TNS3: variants seen among roughly 807,000 people sequenced by gnomAD.
The protein encoded by TNS3 is tensin 3.
TNS3 carries 45 observed loss-of-function variants against 140.9 expected under a neutral mutation model. The observed-to-expected ratio is 0.32, with a 90% CI of 0.25 to 0.41. The LOEUF is 0.41. Ranked by LOEUF, TNS3 falls within the 10% of genes least tolerant of loss-of-function variation. The probability of loss-of-function intolerance (pLI) is 1.00; values close to 1 mark genes in which losing one functional copy is unlikely to be tolerated. For missense variants in TNS3, 1,716 were observed against 1,906.7 expected (o/e 0.90, Z 1.86); for synonymous variants, 815 against 788.4 (o/e 1.03, Z -0.56).
At position 47,432,087 on chromosome 7, in the gene TNS3, GA is replaced by G. The variant is rs376809319; in HGVS notation, c.324+3194del. On this transcript the variant is annotated intron_variant, in intron 8 of 30. Transcript: ENST00000311160. ...CACTTAACTGATGAATTCCATCACC[GA>G]AAAAAAGAGAAAACTTCGCTATGGT... is the stretch of plus-strand genomic sequence containing the variant. 3.7e-3 allele frequency among the ~76,000 whole-genome samples: 567 copies of G among 152,050 alleles called. 1 individual carries two copies. The highest frequency in any genetic ancestry group is 0.013 in the African/African-American group (522 of 41,450).
intron 1 of TNS3, among the ~76,000 whole-genome samples, chr7:47,554,074 G>A (rs919996888): frequency 2.6e-5 from 4 of 151,242 alleles, no homozygotes; most frequent in Non-Finnish European, 4.4e-5. Context: ...CAAAGTGCTG[G>A]GATTACAAGC....
chr7:47,275,620 C>G lies in TNS3; in HGVS notation c.*2456G>C. The G allele has an allele frequency of 2.8e-6, 1 of 354,970 alleles. No homozygotes were observed. The highest frequency in any genetic ancestry group is 2.2e-5 in the South Asian group (1 of 46,490). 22.0% of individuals were successfully genotyped at this position (354,970 alleles called of 1,614,324 possible). A position where few individuals can be genotyped will look rare whatever the true frequency, so the allele number is the denominator to read the frequency against. ...CCACAGTACAATCTGTGATGACACA[C>G]AGCTTGTTCTGTTTAATGCACATGT... On this transcript the variant is annotated 3_prime_UTR_variant, in exon 31 of 31. Transcript: ENST00000311160.
chr7:47,559,584 G>A (rs1044604861), intron 1 of TNS3, among the ~76,000 whole-genome samples: 1 of 152,200 alleles, frequency 6.6e-6, no homozygotes, highest in East Asian at 1.9e-4. Flanking sequence ...AGGCAGGGAT[G>A]GGGGCTGGAA....
At position 47,452,728 on chromosome 7, in the gene TNS3, G is replaced by A. The variant is rs140055363; in HGVS notation, c.-75-10673C>T. Among the ~76,000 whole-genome samples, 1,170 of 152,266 alleles carry A rather than the reference G, an allele frequency of 7.7e-3. 14 individuals are homozygous for A. The highest frequency in any genetic ancestry group is 0.027 in the African/African-American group (1,118 of 41,554). Reference sequence around the variant, plus strand: ...TCTCACAAATAAGTTTCCCAAGAAGGGGCAGATGGGGCGGATGGTTCTTAG... The same window carrying A: ...TCTCACAAATAAGTTTCCCAAGAAGAGGCAGATGGGGCGGATGGTTCTTAG... On this transcript the variant is annotated intron_variant, in intron 4 of 30. Transcript: ENST00000311160.
At chr7:47,571,695 G>A (rs554518291) in intron 1 of TNS3, among the ~76,000 whole-genome samples, 1 of 152,354 alleles carries the variant, frequency 6.6e-6, no homozygotes, top group African/African-American at 2.4e-5. Context: ...GGGTCTGTCT[G>A]GAAATCAGCT....
At chr7:47,449,188 C>A (rs1024189669) in intron 4 of TNS3, among the ~76,000 whole-genome samples, 1 of 152,236 alleles carries the variant, frequency 6.6e-6, no homozygotes, top group African/African-American at 2.4e-5. Context: ...GCGTATCCTG[C>A]AGGTGGAAGG....
At chr7:47,424,552 G>A (rs887580643) in intron 9 of TNS3, among the ~76,000 whole-genome samples, 4 of 152,166 alleles carry the variant, frequency 2.6e-5, no homozygotes, top group Non-Finnish European at 4.4e-5. Context: ...GCCACCCTAC[G>A]TCCTAAATAA....
At chr7:47,460,459 G>C (rs144337865) in intron 4 of TNS3, among the ~76,000 whole-genome samples, 1 of 152,320 alleles carries the variant, frequency 6.6e-6, no homozygotes, top group Non-Finnish European at 1.5e-5. Context: ...AGCTGACTAA[G>C]ACGACATCTG....
chr7:47,531,393 T>C (rs555926600), intron 1 of TNS3, among the ~76,000 whole-genome samples: 4 of 151,862 alleles, frequency 2.6e-5, no homozygotes, highest in South Asian at 4.2e-4. Flanking sequence ...AAAAAAGATA[T>C]ACAATTAAAG....
intron 4 of TNS3, among the ~76,000 whole-genome samples, chr7:47,480,684 T>A (rs1444781607): frequency 6.6e-6 from 1 of 152,176 alleles, no homozygotes; most frequent in Non-Finnish European, 1.5e-5. Flanking sequence ...CACCCAGTAT[T>A]TGTCAGAGCT....
At position 47,415,094 on chromosome 7, in the gene TNS3, C is replaced by T; in HGVS notation, c.586G>A (p.Val196Met). The T allele has an allele frequency of 6.2e-7, 1 of 1,610,202 alleles. No homozygotes were observed. Among genetic ancestry groups the T allele is most frequent in the Non-Finnish European group, 8.5e-7 (1 of 1,178,032 alleles). Residue 196 changes from valine to methionine, a missense_variant and splice_region_variant, in exon 11 of 31, where the codon GTG becomes ATG. Physicochemically the swap from Val to Met is conservative, Grantham distance 21. Around this residue, in one of 3 missense-constraint regions of TNS3, gnomAD observed 337 missense variants for 428.9 expected, o/e 0.79. Coordinates refer to ENST00000311160, the MANE Select transcript of TNS3 (RefSeq NM_022748.12). ...GTGCCACGTCATAGGGGACACTCACCTCCACCTGTGTCGAAGTTGGGGGTG... is the reference window on the plus strand; with the variant it reads ...GTGCCACGTCATAGGGGACACTCACTTCCACCTGTGTCGAAGTTGGGGGTG... ...HGTPNFDTGG[V>M]CRPFLKLYQA...
chr7:47,503,043 G>A (rs929792998), intron 3 of TNS3, among the ~76,000 whole-genome samples: 1 of 152,110 alleles, frequency 6.6e-6, no homozygotes, highest in Non-Finnish European at 1.5e-5. Flanking sequence ...TGCGCATCGG[G>A]ACCCTGTGCA....
At chr7:47,392,224 G>T (rs1270282793) in intron 16 of TNS3, among the ~76,000 whole-genome samples, 1 of 152,164 alleles carries the variant, frequency 6.6e-6, no homozygotes, top group African/African-American at 2.4e-5. Flanking sequence ...CAGACCCACG[G>T]GGAGACCAGG....
At chr7:47,332,931 GA>G (rs1788423500) in intron 20 of TNS3, among the ~76,000 whole-genome samples, 1 of 152,206 alleles carries the variant, frequency 6.6e-6, no homozygotes, top group Admixed American at 6.5e-5. Context: ...AGTCCACCAG[GA>G]GAGGAGGGGG....
At chr7:47,329,981 G>A (rs187073747) in intron 20 of TNS3, among the ~76,000 whole-genome samples, 2 of 152,344 alleles carry the variant, frequency 1.3e-5, no homozygotes, top group African/African-American at 4.8e-5. Context: ...ATCTTCTGGA[G>A]ATCTGTTTAT....
At chr7:47,504,128 T>A (rs1170213436) in intron 3 of TNS3, among the ~76,000 whole-genome samples, 1 of 152,148 alleles carries the variant, frequency 6.6e-6, no homozygotes, top group Admixed American at 6.5e-5. Flanking sequence ...TCTGCCTCCA[T>A]CCATCCACTG....
intron 13 of TNS3, among the ~76,000 whole-genome samples, chr7:47,402,541 TTC>T (rs1328935132): frequency 6.6e-6 from 1 of 152,230 alleles, no homozygotes; most frequent in Non-Finnish European, 1.5e-5. Flanking sequence ...TTCCAGGATG[TTC>T]TGAGAGTATC....
intron 15 of TNS3, among the ~76,000 whole-genome samples, chr7:47,397,734 G>T (rs1229060318): frequency 6.6e-5 from 10 of 152,140 alleles, no homozygotes; most frequent in Non-Finnish European, 1.0e-4. Flanking sequence ...CAAAAAGTCT[G>T]AAAGATCACA....
chr7:47,321,080 G>C (rs1325969473), intron 20 of TNS3, among the ~76,000 whole-genome samples: 1 of 152,218 alleles, frequency 6.6e-6, no homozygotes, highest in East Asian at 1.9e-4. Flanking sequence ...GCCTGAGGCA[G>C]GACTCCAGGA....
Sources: gnomAD v4.1 joint callset for allele counts (sites outside exome capture counted in the v4.1 genomes callset) on GRCh38, gnomAD v4.1.1 for gene constraint, gnomAD v4.1.1 regional missense constraint, MANE v1.5 for transcripts, NCBI Gene and HGNC (gene_info 2026-07-23, HGNC 2026-07-21) for gene names.